ZFHX4: variants seen among roughly 807,000 people sequenced by gnomAD.
ZFHX4 encodes zinc finger homeobox protein 4.
ZFHX4 carries 56 observed loss-of-function variants against 267.6 expected under a neutral mutation model. The observed-to-expected ratio is 0.21, with a 90% confidence interval of 0.17 to 0.26. The LOEUF (loss-of-function observed/expected upper bound fraction) is 0.26. Ranked by LOEUF, ZFHX4 falls within the 10% of genes least tolerant of loss-of-function variation. ZFHX4 has a pLI of 1.00. For synonymous variants in ZFHX4, 1,778 were observed against 1,665.6 expected, an observed-to-expected ratio of 1.07 and a Z score of -1.64; for missense variants, 4,332 against 4,420.0, an observed-to-expected ratio of 0.98 and a Z score of 0.56.
At chr8:76,798,394 C>T (rs529161209) in intron 4 of ZFHX4, among the ~76,000 whole-genome samples, 11 of 152,096 alleles carry the variant, frequency 7.2e-5, no homozygotes, top group Non-Finnish European at 1.6e-4. Context: ...CTCTGGTATT[C>T]GGAATTGCTC....
intron 4 of ZFHX4, among the ~76,000 whole-genome samples, chr8:76,798,075 G>A (rs976173433): frequency 6.6e-6 from 1 of 152,038 alleles, no homozygotes; most frequent in African/African-American, 2.4e-5. Context: ...TGCAGATAAA[G>A]AATAAGGCAT....
At chr8:76,699,196 A>G (rs1332299350) in intron 1 of ZFHX4, among the ~76,000 whole-genome samples, 1 of 152,188 alleles carries the variant, frequency 6.6e-6, no homozygotes, top group African/African-American at 2.4e-5. Flanking sequence ...CTATCTTACA[A>G]GTAAAAAAGC....
In ZFHX4 at chr8:76,855,961, G is replaced by T; in HGVS notation, c.9040G>T (p.Val3014Leu). 1 of 1,613,936 alleles carries T rather than the reference G, an allele frequency of 6.2e-7. No individual in the cohort carries two copies. Among genetic ancestry groups the T allele is most frequent in the South Asian group, 1.1e-5 (1 of 91,084 alleles). Residue 3014 changes from valine (V) to leucine (L), a missense_variant, in exon 10 of 11, where the codon GTG becomes TTG. Val to Leu is a conservative substitution (Grantham distance 32). Transcript: ENST00000651372. ...CAAACCAGAGTGTACCCTCTGCGGG[G>T]TGAAGTACTCTGCCCGCTTGTCCAT... ...GTKPECTLCG[V>L]KYSARLSIRD...
intron 5 of ZFHX4, among the ~76,000 whole-genome samples, chr8:76,836,319 G>A (rs1432878888): frequency 6.6e-6 from 1 of 152,082 alleles, no homozygotes; most frequent in African/African-American, 2.4e-5. Flanking sequence ...AAATTACTGA[G>A]CCCCAACCCA....
intron 4 of ZFHX4, among the ~76,000 whole-genome samples, chr8:76,795,507 A>C (rs1764772991): frequency 6.7e-6 from 1 of 149,934 alleles, no homozygotes. Flanking sequence ...GTAAATTTTA[A>C]GCCATTTTGA....
intron 3 of ZFHX4, among the ~76,000 whole-genome samples, chr8:76,763,777 T>C (rs2131735025): frequency 6.6e-6 from 1 of 152,278 alleles, no homozygotes; most frequent in African/African-American, 2.4e-5. Flanking sequence ...TAGGAAATAT[T>C]AACTAGAAAA....
At chr8:76,857,208 T>A (rs891303346) in intron 10 of ZFHX4, among the ~76,000 whole-genome samples, 1 of 151,992 alleles carries the variant, frequency 6.6e-6, no homozygotes, top group Admixed American at 6.6e-5. Flanking sequence ...TAGCCAAAAA[T>A]ATAACGAAAG....
intron 1 of ZFHX4, among the ~76,000 whole-genome samples, chr8:76,702,963 G>GACACACACACACAC (rs33934020): frequency 3.4e-5 from 5 of 147,588 alleles, no homozygotes; most frequent in Non-Finnish European, 7.5e-5. Context: ...TCTCAGGCAA[G>GACACACACACACAC]ACACACACAC....
chr8:76,812,939 CTAT>C (rs1811414624), intron 4 of ZFHX4, among the ~76,000 whole-genome samples: 1 of 152,092 alleles, frequency 6.6e-6, no homozygotes, highest in Admixed American at 6.6e-5. Flanking sequence ...CAAATGGTAA[CTAT>C]TATTATGAAT....
At chr8:76,849,474 TTAAC>T (rs1812452507) in intron 7 of ZFHX4, 34 bp from the exon 8 acceptor site, 1 of 1,554,812 alleles carries the variant, frequency 6.4e-7, no homozygotes, top group Non-Finnish European at 8.9e-7. Context: ...AAGAAATGCA[TTAAC>T]TAATAGTGGC....
At chr8:76,731,028 C>T (rs1405902949) in intron 3 of ZFHX4, among the ~76,000 whole-genome samples, 1 of 152,142 alleles carries the variant, frequency 6.6e-6, no homozygotes, top group Non-Finnish European at 1.5e-5. Context: ...TGAACCCTGG[C>T]TTCTCTCCTG....
chr8:76,768,795 A>G (rs1810178168), intron 3 of ZFHX4, among the ~76,000 whole-genome samples: 2 of 152,200 alleles, frequency 1.3e-5, no homozygotes, highest in South Asian at 4.1e-4. Flanking sequence ...ATCTGCATCC[A>G]GGATATTAAC....
chr8:76,738,521 A>G (rs1330633942), intron 3 of ZFHX4, among the ~76,000 whole-genome samples: 2 of 152,134 alleles, frequency 1.3e-5, no homozygotes, highest in African/African-American at 2.4e-5. Context: ...TTAATTTAGA[A>G]TATTCATTGT....
At chr8:76,736,992 T>G (rs1809178643) in intron 3 of ZFHX4, among the ~76,000 whole-genome samples, 1 of 152,162 alleles carries the variant, frequency 6.6e-6, no homozygotes, top group Admixed American at 6.6e-5. Flanking sequence ...TAGACTTTTC[T>G]GCCTCCCTCC....
In ZFHX4 at chr8:76,854,715, C is replaced by T; in HGVS notation, c.7794C>T (p.Ser2598=). Residue 2598 remains serine (S), a synonymous_variant, in exon 10 of 11, where the codon AGC becomes AGT. Transcript: ENST00000651372. ...NNCSEKEGGN[S]GEDQHRDKRL... ...GCAGTGAAAAAGAAGGAGGGAATAG[C>T]GGTGAAGACCAACACCGAGATAAAC... 2 of 1,612,968 alleles carry T rather than the reference C, an allele frequency of 1.2e-6. No homozygotes were observed. The highest frequency in any genetic ancestry group is 2.2e-5 in the East Asian group (1 of 44,808).
chr8:76,851,664 A>G lies in ZFHX4; in HGVS notation c.4743A>G (p.Pro1581=). The G allele has an allele frequency of 1.2e-6, 2 of 1,613,932 alleles. No individual in the cohort carries two copies. Among genetic ancestry groups the G allele is most frequent in the Non-Finnish European group, 1.7e-6 (2 of 1,179,856 alleles). ...KVLQEASSPV[P]QETNSNTDNK... is the part of the protein sequence containing the mutation. ...TGCAGGAAGCCTCCAGTCCTGTCCC[A>G]CAAGAAACCAACAGCAACACAGATA... The change falls in exon 10 of 11, where the codon CCA becomes CCG. Residue 1581 remains proline (P), a synonymous_variant. Coordinates refer to ENST00000651372, the MANE Select transcript of ZFHX4 (RefSeq NM_024721.5).
intron 1 of ZFHX4, among the ~76,000 whole-genome samples, chr8:76,700,717 A>T (rs895218688): frequency 1.3e-5 from 2 of 152,186 alleles, no homozygotes; most frequent in African/African-American, 4.8e-5. Context: ...ATACCAAAAA[A>T]TGTGTATGTG....
At chr8:76,768,007 G>T (rs1480672947) in intron 3 of ZFHX4, among the ~76,000 whole-genome samples, 1 of 152,154 alleles carries the variant, frequency 6.6e-6, no homozygotes, top group African/African-American at 2.4e-5. Context: ...GGAGGACAAG[G>T]ATACCTCTGG....
At chr8:76,860,759 C>T (rs1295243388) in intron 10 of ZFHX4, among the ~76,000 whole-genome samples, 1 of 152,082 alleles carries the variant, frequency 6.6e-6, no homozygotes, top group Non-Finnish European at 1.5e-5. Context: ...ATACTAATTC[C>T]TTTAACTGTC....
Sources: gnomAD v4.1 joint callset for allele counts (sites outside exome capture counted in the v4.1 genomes callset) on GRCh38, gnomAD v4.1.1 for gene constraint, MANE v1.5 for transcripts, NCBI Gene and HGNC (gene_info 2026-07-23, HGNC 2026-07-21) for gene names.